The following CA12 variants were observed in gnomAD, a reference collection of about 807,000 sequenced individuals.
CA12 encodes carbonic anhydrase 12, also known as carbonate dehydratase XII.
CA12 carries 36 observed loss-of-function variants against 46.8 expected under a neutral mutation model. The observed-to-expected ratio is 0.77, with a 90% CI of 0.59 to 1.02. The LOEUF is 1.02. CA12 is among the 50% of genes least tolerant of loss of function. The probability of loss-of-function intolerance (pLI) is 0.00; values close to 1 mark genes in which losing one functional copy is unlikely to be tolerated. For synonymous variants in CA12, 202 were observed against 187.0 expected, an observed-to-expected ratio of 1.08 and a Z score of -0.65; for missense variants, 436 against 451.4, an observed-to-expected ratio of 0.97 and a Z score of 0.31.
intron 1 of CA12, 129 bp downstream of exon 1, chr15:63,381,507 A>G (rs1334080222): frequency 3.9e-6 from 3 of 776,902 alleles, no homozygotes; most frequent in Non-Finnish European, 6.5e-6. Flanking sequence ...TTTCTTGAGA[A>G]TCTACTATTT....
intron 2 of CA12, among the ~76,000 whole-genome samples, chr15:63,361,764 G>A (rs995693394): frequency 9.9e-5 from 15 of 152,148 alleles, no homozygotes; most frequent in African/African-American, 3.6e-4. Flanking sequence ...TCCAGTCCAT[G>A]GGACACAGCA....
intron 2 of CA12, among the ~76,000 whole-genome samples, chr15:63,369,438 A>G (rs1372814621): frequency 6.6e-6 from 1 of 152,190 alleles, no homozygotes; most frequent in African/African-American, 2.4e-5. Context: ...TCCATGTGTT[A>G]TCTTATTTGA....
rs1167900209 is a variant in CA12, at chr15:63,321,479, C to A, written c.*4806G>T. On this transcript the variant is annotated 3_prime_UTR_variant, in exon 11 of 11. Transcript: ENST00000178638. The surrounding 1 kb of genome is among the most constrained non-coding windows in gnomAD (Gnocchi z 4.5). ...TATAATGAAGAGGCACGGGGTGGAGCCCGGGGACACCCTCGGTGGCATTGT... is the reference window on the plus strand; with the variant it reads ...TATAATGAAGAGGCACGGGGTGGAGACCGGGGACACCCTCGGTGGCATTGT... The A allele has an allele frequency of 1.3e-5, 2 of 152,284 alleles. No individual in the cohort carries two copies. Among genetic ancestry groups the A allele is most frequent in the Admixed American group, 1.3e-4 (2 of 15,288 alleles). 9.4% of individuals were successfully genotyped at this position (152,284 alleles called of 1,614,324 possible).
At position 63,372,413 on chromosome 15, in the gene CA12, GA is replaced by G. The variant is rs1331170745; in HGVS notation, c.106+3244del. Among the ~76,000 whole-genome samples, 1 of 152,210 alleles carries G rather than the reference GA, an allele frequency of 6.6e-6. No individual in the cohort carries two copies. Among genetic ancestry groups the G allele is most frequent in the South Asian group, 2.1e-4 (1 of 4,836 alleles). On this transcript the variant is annotated intron_variant, in intron 2 of 10. Transcript: ENST00000178638. The surrounding 1 kb of genome is among the most constrained non-coding windows in gnomAD (Gnocchi z 4.5). ...GTCAGATGGTCCTCCTCTCTCCAGGGAGGAGCCATCCATGCAGTCAGCCTGG... is the reference window on the plus strand; with the variant it reads ...GTCAGATGGTCCTCCTCTCTCCAGGGGGAGCCATCCATGCAGTCAGCCTGG...
chr15:63,350,088 C>T (rs2039208045), intron 2 of CA12, among the ~76,000 whole-genome samples: 2 of 152,170 alleles, frequency 1.3e-5, no homozygotes, highest in South Asian at 4.1e-4. Context: ...TGGGAGACGG[C>T]CTGCCAAGGA....
At chr15:63,377,687 G>A (rs2039594620) in intron 1 of CA12, among the ~76,000 whole-genome samples, 2 of 152,174 alleles carry the variant, frequency 1.3e-5, no homozygotes, top group African/African-American at 4.8e-5. Context: ...CCCTAACCAT[G>A]TACTGCTCCC....
Position 63,348,226 on chromosome 15 carries a change from C to T in CA12, c.107-1517G>A, listed in dbSNP as rs1218479321. On this transcript the variant is annotated intron_variant, in intron 2 of 10. Coordinates refer to ENST00000178638, the MANE Select transcript of CA12 (RefSeq NM_001218.5). The surrounding 1 kb of genome is among the most constrained non-coding windows in gnomAD (Gnocchi z 4.6). ...GGAATTGCAGAATCTCCAGTCCAACCTTTCACTGGACACCAGTCTTCTCAC... is the reference window on the plus strand; with the variant it reads ...GGAATTGCAGAATCTCCAGTCCAACTTTTCACTGGACACCAGTCTTCTCAC... Among the ~76,000 whole-genome samples, 2 of 152,208 alleles carry T rather than the reference C, an allele frequency of 1.3e-5. No individual in the cohort carries two copies. Among genetic ancestry groups the T allele is most frequent in the Non-Finnish European group, 2.9e-5 (2 of 68,034 alleles).
In CA12 at chr15:63,322,097, A is replaced by G. The variant is rs115874982; in HGVS notation, c.*4188T>C. The G allele has an allele frequency of 6.6e-6, 1 of 152,218 alleles. No individual in the cohort carries two copies. The highest frequency in any genetic ancestry group is 2.1e-4 in the South Asian group (1 of 4,834). 9.4% of individuals were successfully genotyped at this position (152,218 alleles called of 1,614,324 possible). On this transcript the variant is annotated 3_prime_UTR_variant, in exon 11 of 11. Coordinates refer to ENST00000178638, the MANE Select transcript of CA12 (RefSeq NM_001218.5). The surrounding 1 kb of genome is among the most constrained non-coding windows in gnomAD (Gnocchi z 4.1). ...AACTGAGAAACGCTACTTTATTTTA[A>G]TAAGTTTACATCTAAAAGCCGATCA...
chr15:63,371,674 CA>C (rs1220446336), intron 2 of CA12, among the ~76,000 whole-genome samples: 1 of 152,204 alleles, frequency 6.6e-6, no homozygotes, highest in Non-Finnish European at 1.5e-5. Context: ...CAGGGGTTTT[CA>C]TCTATTTCTC....
chr15:63,363,668 C>T (rs1319569678), intron 2 of CA12, among the ~76,000 whole-genome samples: 2 of 152,252 alleles, frequency 1.3e-5, no homozygotes, highest in East Asian at 3.8e-4. Flanking sequence ...TCAGCCTTTG[C>T]AGGAAAGCCA....
Position 63,355,182 on chromosome 15 carries a change from CAGCAGCGCT to C in CA12, c.107-8482_107-8474del, listed in dbSNP as rs376076903. ...CTGCTCCCACCCCTCCTTTTCGTTC[CAGCAGCGCT>C]GAGCTGCTTGCATCCTGCAGACACA... On this transcript the variant is annotated intron_variant, in intron 2 of 10. Transcript: ENST00000178638. This position sits in a 1 kb window ranked among gnomAD's most constrained non-coding sequence, Gnocchi z 4.1. 1.3e-5 allele frequency among the ~76,000 whole-genome samples: 2 copies of C among 152,192 alleles called. No homozygotes were observed. Among genetic ancestry groups the C allele is most frequent in the African/African-American group, 4.8e-5 (2 of 41,444 alleles).
Position 63,329,129 on chromosome 15 carries a change from C to T in CA12, c.875-999G>A, listed in dbSNP as rs1006670578. 9.2e-5 allele frequency among the ~76,000 whole-genome samples: 14 copies of T among 152,252 alleles called. No homozygotes were observed. The highest frequency in any genetic ancestry group is 3.4e-4 in the African/African-American group (14 of 41,476). The stretch of plus-strand genomic sequence containing the variant: ...CTCACTTCCTAAGCAAGGAATCCAT[C>T]ACCAGACTTCTCCCCCAGCCCATCA... On this transcript the variant is annotated intron_variant, in intron 8 of 10. Coordinates refer to ENST00000178638, the MANE Select transcript of CA12 (RefSeq NM_001218.5). The surrounding 1 kb of genome is among the most constrained non-coding windows in gnomAD (Gnocchi z 4.8).
Position 63,346,641 on chromosome 15 carries a change from C to T in CA12, c.175G>A (p.Asp59Asn). ...SCGGLLQSPI[D>N]LHSDILQYDA... ...TACTGGAGGATGTCACTGTGCAGGT[C>T]TATGGGGGACTGCAGCAGGCCCCCA... Residue 59 changes from aspartate to asparagine, a missense_variant, in exon 3 of 11, where the codon GAC (aspartate) becomes AAC (asparagine). Asp to Asn is a conservative substitution (Grantham distance 23). Coordinates refer to ENST00000178638, the MANE Select transcript of CA12 (RefSeq NM_001218.5). 2 of 1,608,914 alleles carry T rather than the reference C, an allele frequency of 1.2e-6. No individual in the cohort carries two copies. The highest frequency in any genetic ancestry group is 1.7e-6 in the Non-Finnish European group (2 of 1,176,922).
rs2038931788 is a variant in CA12 at position 63,331,039 on chromosome 15, A to T, written c.875-2909T>A. On this transcript the variant is annotated intron_variant, in intron 8 of 10. Coordinates refer to ENST00000178638, the MANE Select transcript of CA12 (RefSeq NM_001218.5). This position sits in a 1 kb window ranked among gnomAD's most constrained non-coding sequence, Gnocchi z 5.3. ...GGAATGCCGGCGAGGGTGTCACCCG[A>T]TAGTTCCACCACCTCAGGAAGCCCA... Among the ~76,000 whole-genome samples, 1 of 152,234 alleles carries T rather than the reference A, an allele frequency of 6.6e-6. No individual in the cohort carries two copies. The highest frequency in any genetic ancestry group is 2.4e-5 in the African/African-American group (1 of 41,460).
chr15:63,374,863 A>T lies in CA12; in HGVS notation c.106+795T>A, dbSNP rs1020207971. Among the ~76,000 whole-genome samples the T allele has an allele frequency of 2.0e-5, 3 of 152,206 alleles. No individual in the cohort carries two copies. Among genetic ancestry groups the T allele is most frequent in the African/African-American group, 7.2e-5 (3 of 41,452 alleles). ...AGTGAGTCAGTTCCACCCTTCTGCT[A>T]CCAAAACAATCGATCTTGTGCATCT... On this transcript the variant is annotated intron_variant, in intron 2 of 10. Transcript: ENST00000178638. This position sits in a 1 kb window ranked among gnomAD's most constrained non-coding sequence, Gnocchi z 4.4.
chr15:63,369,187 C>A (rs191917024), intron 2 of CA12, among the ~76,000 whole-genome samples: 1 of 152,230 alleles, frequency 6.6e-6, no homozygotes, highest in Non-Finnish European at 1.5e-5. Flanking sequence ...AAAGGAAATA[C>A]CCTTTGTTTA....
In CA12 at chr15:63,340,763, G is replaced by A. The variant is rs761443210; in HGVS notation, c.546C>T (p.Ser182=). The change falls in exon 6 of 11, where the codon TCC becomes TCT. Residue 182 remains serine, a synonymous_variant. Transcript: ENST00000178638. The surrounding 1 kb of genome is among the most constrained non-coding windows in gnomAD (Gnocchi z 4.4). ...GAAGGTGACTGAAGATCTTGTCATAGGACGGATTGAAGGAGCCCATCTGCA... is the reference window on the plus strand; with the variant it reads ...GAAGGTGACTGAAGATCTTGTCATAAGACGGATTGAAGGAGCCCATCTGCA... ...VLIEMGSFNP[S]YDKIFSHLQH... is the part of the protein sequence containing the mutation. The A allele has an allele frequency of 7.4e-6, 12 of 1,614,210 alleles. No individual in the cohort carries two copies. The highest frequency in any genetic ancestry group is 1.0e-5 in the Non-Finnish European group (12 of 1,180,028).
intron 8 of CA12, among the ~76,000 whole-genome samples, chr15:63,334,372 C>A (rs144823425): frequency 1.5e-3 from 230 of 149,956 alleles, no homozygotes; most frequent in African/African-American, 5.4e-3. Flanking sequence ...TCTCCTGCCT[C>A]AGCCTCCACA....
intron 2 of CA12, among the ~76,000 whole-genome samples, chr15:63,371,767 G>A (rs1371314534): frequency 1.3e-5 from 2 of 152,202 alleles, no homozygotes; most frequent in Non-Finnish European, 2.9e-5. Flanking sequence ...CAGCTAACAT[G>A]ATGTGCTCTC....
Sources: gnomAD v4.1 joint callset for allele counts (sites outside exome capture counted in the v4.1 genomes callset) on GRCh38, gnomAD v4.1.1 for gene constraint, Gnocchi (gnomAD v3.1) non-coding constraint, MANE v1.5 for transcripts, NCBI Gene and HGNC (gene_info 2026-07-23, HGNC 2026-07-21) for gene names.